Variants in PIWIL2 observed in about 807,000 individuals in gnomAD.
PIWIL2 encodes piwi like RNA-mediated gene silencing 2, also known as piwi-like protein 2.
PIWIL2 carries 81 observed loss-of-function variants against 116.5 expected under a neutral mutation model. The ratio of observed to expected loss-of-function variants is 0.70; its 90% confidence interval spans 0.58 to 0.84. The LOEUF (loss-of-function observed/expected upper bound fraction) is 0.84, where lower values mean the gene tolerates loss of function less well. Among genes scored for constraint, PIWIL2 ranks in the 40% least tolerant of loss-of-function variants. The probability of loss-of-function intolerance (pLI) is 0.00; values close to 1 mark genes in which losing one functional copy is unlikely to be tolerated. For synonymous variants in PIWIL2, 489 were observed against 429.5 expected (o/e 1.14, Z -1.71); for missense variants, 1,272 against 1,212.3 (o/e 1.05, Z -0.73).
At chr8:22,312,813 A>T (rs1831365702) in intron 16 of PIWIL2, among the ~76,000 whole-genome samples, 2 of 151,614 alleles carry the variant, frequency 1.3e-5, no homozygotes, top group Admixed American at 1.3e-4. Context: ...GCTAATTTTT[A>T]AATTTTTTGT....
At chr8:22,313,703 T>G (rs1007556548) in intron 16 of PIWIL2, among the ~76,000 whole-genome samples, 1 of 152,240 alleles carries the variant, frequency 6.6e-6, no homozygotes, top group Non-Finnish European at 1.5e-5. Context: ...GCTGCTTTTC[T>G]TTATTCAGGC....
chr8:22,300,324 C>T (rs990702802), intron 10 of PIWIL2, among the ~76,000 whole-genome samples: 2 of 152,054 alleles, frequency 1.3e-5, no homozygotes, highest in Non-Finnish European at 2.9e-5. Context: ...TGAAATCATT[C>T]ACATTGTTGT....
intron 10 of PIWIL2, among the ~76,000 whole-genome samples, chr8:22,298,343 C>T (rs1228079811): frequency 6.6e-6 from 1 of 152,040 alleles, no homozygotes; most frequent in South Asian, 2.1e-4. Flanking sequence ...ACACAAAGAT[C>T]TAGGTCTGAT....
intron 20 of PIWIL2, among the ~76,000 whole-genome samples, chr8:22,351,514 G>GT (rs1263470628): frequency 8.5e-6 from 1 of 117,472 alleles, no homozygotes; most frequent in Non-Finnish European, 1.8e-5. Flanking sequence ...CATAATTTAG[G>GT]TTTTTTTGGT....
Position 22,283,093 on chromosome 8 carries a change from G to T in PIWIL2, c.485G>T (p.Gly162Val). 6.2e-7 allele frequency: 1 copy of T among 1,614,168 alleles called. No homozygotes were observed. Among genetic ancestry groups the T allele is most frequent in the Non-Finnish European group, 8.5e-7 (1 of 1,180,028 alleles). ...TTACCACTGGGAAGAGCAGCAGGTG[G>T]TATCAGCAGAGAAGTGGACAAGCCT... Reference protein sequence around the residue: ...SLLPLGRAAGGISREVDKPPC... With the variant: ...SLLPLGRAAGVISREVDKPPC... Residue 162 changes from glycine to valine, a missense_variant, in exon 5 of 23, where the codon GGT becomes GTT. Physicochemically the swap from Gly to Val is moderately radical, Grantham distance 109. Transcript: ENST00000356766.
chr8:22,306,856 C>T (rs1831194022), intron 13 of PIWIL2, among the ~76,000 whole-genome samples: 1 of 152,138 alleles, frequency 6.6e-6, no homozygotes, highest in Non-Finnish European at 1.5e-5. Flanking sequence ...TGTATCTACC[C>T]CTGTAGACTT....
At chr8:22,342,285 G>A (rs1554505785) in intron 20 of PIWIL2, among the ~76,000 whole-genome samples, 1 of 152,178 alleles carries the variant, frequency 6.6e-6, no homozygotes, top group Non-Finnish European at 1.5e-5. Flanking sequence ...ATCCCAGCAA[G>A]TTATTTTGTG....
intron 5 of PIWIL2, among the ~76,000 whole-genome samples, chr8:22,283,485 T>A (rs1323507061): frequency 6.6e-6 from 1 of 152,230 alleles, no homozygotes; most frequent in Non-Finnish European, 1.5e-5. Flanking sequence ...CTTGGCTCAT[T>A]GTAACCTCCG....
rs188632320 is a variant in PIWIL2, at chr8:22,277,757, G to A, written c.-46-1584G>A. Among the ~76,000 whole-genome samples, 843 of 152,256 alleles carry A rather than the reference G, an allele frequency of 5.5e-3. 4 individuals carry two copies. The highest frequency in any genetic ancestry group is 9.2e-3 in the Non-Finnish European group (627 of 68,016). ...AACAGATCAAGGAAGAGAATTTGGT[G>A]CAATCATAGACTGGAAAAAAGTTAG... On this transcript the variant is annotated intron_variant, in intron 1 of 22. Transcript: ENST00000356766.
intron 20 of PIWIL2, among the ~76,000 whole-genome samples, chr8:22,339,461 TCACACCACTG>T: frequency 6.6e-6 from 1 of 151,104 alleles, no homozygotes; most frequent in African/African-American, 2.4e-5. Context: ...TGAGCCGAGA[TCACACCACTG>T]CACTCCAGCC....
chr8:22,349,415 G>GTATATATA (rs540224852), intron 20 of PIWIL2, among the ~76,000 whole-genome samples: 1,511 of 134,648 alleles, frequency 0.011, 17 homozygotes, highest in Middle Eastern at 0.032. Flanking sequence ...ATATATGTGT[G>GTATATATA]TGTGTATATA....
At chr8:22,328,824 T>TG (rs1377315783) in intron 20 of PIWIL2, among the ~76,000 whole-genome samples, 4 of 150,802 alleles carry the variant, frequency 2.7e-5, no homozygotes, top group African/African-American at 9.7e-5. Flanking sequence ...AGTCGTTTTT[T>TG]TTTTTTTTTT....
chr8:22,309,830 G>A, intron 14 of PIWIL2, 131 bp from the exon 15 acceptor site: 1 of 561,796 alleles, frequency 1.8e-6, no homozygotes, highest in Non-Finnish European at 3.3e-6. Flanking sequence ...TTATTATTCT[G>A]CTAGTCTCAA....
At chr8:22,295,031 A>G (rs1033163520) in intron 10 of PIWIL2, among the ~76,000 whole-genome samples, 19 of 151,826 alleles carry the variant, frequency 1.3e-4, no homozygotes, top group African/African-American at 4.4e-4. Context: ...GTGAGCCGAG[A>G]TCGTGCCAGT....
At chr8:22,343,858 A>G (rs971160834) in intron 20 of PIWIL2, among the ~76,000 whole-genome samples, 1 of 152,254 alleles carries the variant, frequency 6.6e-6, no homozygotes, top group South Asian at 2.1e-4. Context: ...GTGCACTTAC[A>G]TACACATACC....
intron 20 of PIWIL2, among the ~76,000 whole-genome samples, chr8:22,336,722 A>G (rs1586590121): frequency 6.6e-6 from 1 of 152,174 alleles, no homozygotes; most frequent in Admixed American, 6.6e-5. Context: ...CTTGGGTAAC[A>G]TAGTGAGACC....
At chr8:22,327,492 T>C (rs1192661516) in intron 20 of PIWIL2, among the ~76,000 whole-genome samples, 1 of 150,908 alleles carries the variant, frequency 6.6e-6, no homozygotes, top group African/African-American at 2.4e-5. Flanking sequence ...GTCAGCCTCC[T>C]GAGTAGCTGG....
chr8:22,328,779 AC>A (rs928912652), intron 20 of PIWIL2, among the ~76,000 whole-genome samples: 1 of 131,882 alleles, frequency 7.6e-6, no homozygotes, highest in Non-Finnish European at 1.6e-5. Flanking sequence ...TTGATCATGT[AC>A]CCTGTAACTT....
chr8:22,337,922 C>T (rs774023958), intron 20 of PIWIL2, among the ~76,000 whole-genome samples: 4 of 151,884 alleles, frequency 2.6e-5, no homozygotes, highest in Non-Finnish European at 5.9e-5. Context: ...GGCAAAACCC[C>T]GTCTCTACTA....
Sources: gnomAD v4.1 joint callset for allele counts (sites outside exome capture counted in the v4.1 genomes callset) on GRCh38, gnomAD v4.1.1 for gene constraint, MANE v1.5 for transcripts, NCBI Gene and HGNC (gene_info 2026-07-23, HGNC 2026-07-21) for gene names.